PLCH2: variants seen among roughly 807,000 people sequenced by gnomAD.
PLCH2 encodes 1-phosphatidylinositol 4,5-bisphosphate phosphodiesterase eta-2.
In PLCH2, 98 loss-of-function variants were observed where a neutral mutation model predicts 134.7. The observed-to-expected ratio is 0.73, with a 90% confidence interval of 0.62 to 0.86. The LOEUF (loss-of-function observed/expected upper bound fraction) is 0.86, where lower values mean the gene tolerates loss of function less well. Ranked by LOEUF, PLCH2 falls within the 40% of genes least tolerant of loss-of-function variation. The pLI is 0.00. For synonymous variants in PLCH2, 974 were observed against 827.5 expected, an observed-to-expected ratio of 1.18 and a Z score of -3.04; for missense variants, 1,994 against 1,986.6, an observed-to-expected ratio of 1.00 and a Z score of -0.07.
At position 2,476,595 on chromosome 1, in the gene PLCH2, G is replaced by A; in HGVS notation, c.7G>A (p.Gly3Ser). 6.4e-7 allele frequency: 1 copy of A among 1,565,988 alleles called. No individual in the cohort carries two copies. ...GCCCGGCTGTCGTCAGGCCATGTCT[G>A]GTCCATGGCCCTCCCCCGACAGCCG... MS[G>S]PWPSPDSRTK... Residue 3 changes from glycine (G) to serine (S), a missense_variant, in exon 1 of 22, where the codon GGT becomes AGT. Gly to Ser is a moderately conservative substitution (Grantham distance 56, BLOSUM62 0). Transcript: ENST00000378486.
At chr1:2,459,285 T>G (rs1640651600) in intron 2 of PLCH2, among the ~76,000 whole-genome samples, 1 of 152,214 alleles carries the variant, frequency 6.6e-6, no homozygotes, top group African/African-American at 2.4e-5. Flanking sequence ...GCCTTGCCGG[T>G]GGTCTTCCTT....
chr1:2,493,326 G>A (rs12409875), intron 11 of PLCH2: 59,747 of 152,150 alleles, frequency 0.39, 13,049 homozygotes, highest in Non-Finnish European at 0.49. Context: ...GAGCTGTGAA[G>A]TGTGGTGGCC....
chr1:2,486,316 T>C (rs558201512), intron 5 of PLCH2, among the ~76,000 whole-genome samples: 1 of 152,270 alleles, frequency 6.6e-6, no homozygotes, highest in Admixed American at 6.5e-5. Context: ...CACAACTGGC[T>C]CTGGGCTCCC....
intron 2 of PLCH2, among the ~76,000 whole-genome samples, chr1:2,437,252 G>A (rs1163322859): frequency 6.6e-6 from 1 of 152,134 alleles, no homozygotes; most frequent in Admixed American, 6.5e-5. Context: ...TGCCTTGGTG[G>A]GCTGCGAGCC....
At chr1:2,487,500 C>T in intron 7 of PLCH2, 98 bp from the exon 8 acceptor site, 1 of 1,500,456 alleles carries the variant, frequency 6.7e-7, no homozygotes. Context: ...GTGTCCCTCA[C>T]TGAGCAATGG....
At chr1:2,435,410 C>G (rs1639282788) in intron 2 of PLCH2, among the ~76,000 whole-genome samples, 1 of 152,160 alleles carries the variant, frequency 6.6e-6, no homozygotes, top group African/African-American at 2.4e-5. Context: ...TCACACCACC[C>G]TGGGTAGTCA....
chr1:2,451,114 A>G (rs932105981), intron 2 of PLCH2, among the ~76,000 whole-genome samples: 1 of 152,096 alleles, frequency 6.6e-6, no homozygotes, highest in Non-Finnish European at 1.5e-5. Flanking sequence ...AATTTGGGGC[A>G]GGGCCTGGGG....
At chr1:2,434,955 G>A (rs924201415) in intron 2 of PLCH2, among the ~76,000 whole-genome samples, 11 of 151,590 alleles carry the variant, frequency 7.3e-5, no homozygotes, top group African/African-American at 2.7e-4. Flanking sequence ...GTGTGTCCCC[G>A]TGGCCCAGAG....
At position 2,480,273 on chromosome 1, in the gene PLCH2, C is replaced by T. The variant is rs750649397; in HGVS notation, c.606C>T (p.Asn202=). 2.6e-5 allele frequency: 42 copies of T among 1,612,686 alleles called. No homozygotes were observed. The highest frequency in any genetic ancestry group is 3.4e-5 in the Non-Finnish European group (40 of 1,179,798). Residue 202 remains asparagine, a synonymous_variant, in exon 4 of 22, where the codon AAC becomes AAT. Coordinates refer to ENST00000378486, the MANE Select transcript of PLCH2 (RefSeq NM_014638.4). ...TCCTGCAGCTGCTGCACAAGCTCAA[C>T]GTGAACCTGCCCCGGCAGAGGGTGA... is the stretch of plus-strand genomic sequence containing the variant. The part of the protein sequence containing the change: ...GEVLQLLHKL[N]VNLPRQRVKQ...
At chr1:2,438,826 T>C (rs1215619217) in intron 2 of PLCH2, among the ~76,000 whole-genome samples, 4 of 152,172 alleles carry the variant, frequency 2.6e-5, no homozygotes, top group Non-Finnish European at 5.9e-5. Flanking sequence ...TCTGGTCCCA[T>C]GGGCACCTTC....
At chr1:2,469,860 C>G (rs1371102342) in intron 1 of PLCH2, among the ~76,000 whole-genome samples, 2 of 152,218 alleles carry the variant, frequency 1.3e-5, no homozygotes, top group Admixed American at 6.5e-5. Context: ...TGAGAAGTCA[C>G]TCACCGTGGT....
At chr1:2,460,901 G>T (rs901872825) in intron 2 of PLCH2, among the ~76,000 whole-genome samples, 9 of 152,232 alleles carry the variant, frequency 5.9e-5, no homozygotes, top group African/African-American at 1.7e-4. Flanking sequence ...CAACAGCTGC[G>T]GGTTCGCCTC....
rs947901461 is a variant in PLCH2 at position 2,484,372 on chromosome 1, G to A, written c.646-76G>A. 1.4e-5 allele frequency: 20 copies of A among 1,414,732 alleles called. No individual in the cohort carries two copies. In the African/African-American group the frequency reaches 2.0e-4, roughly 14 times the overall value. The allele number at this position is 1,414,732 out of a possible 1,614,324, so 87.6% of individuals were successfully genotyped here. On this transcript the variant is annotated intron_variant, in intron 4 of 21. Coordinates refer to ENST00000378486, the MANE Select transcript of PLCH2 (RefSeq NM_014638.4). ...GCATGTTGGTCTTGACTGGGGAGTG[G>A]GGTGGTCCTGAAGGACCCCTGTGCA...
upstream of PLCH2, among the ~76,000 whole-genome samples, chr1:2,475,831 G>A (rs927058050): frequency 2.6e-5 from 4 of 152,130 alleles, no homozygotes; most frequent in Non-Finnish European, 4.4e-5. Context: ...TAAGGGATCC[G>A]GCTCGGCTCC....
At chr1:2,501,323 G>A (rs4648642) in intron 20 of PLCH2, 57,708 of 152,064 alleles carry the variant, frequency 0.38, 12,500 homozygotes, top group East Asian at 0.5. Flanking sequence ...CTGGAGATGC[G>A]GCTGCCTCCC....
At chr1:2,484,368 A>G in intron 4 of PLCH2, 80 bp from the exon 5 acceptor site, 1 of 1,382,018 alleles carries the variant, frequency 7.2e-7, no homozygotes, top group Non-Finnish European at 1.0e-6. Flanking sequence ...TTGACTGGGG[A>G]GTGGGGTGGT....
Position 2,502,092 on chromosome 1 carries a change from A to G in PLCH2, c.2662-20A>G, listed in dbSNP as rs1558036183. On this transcript the variant is annotated intron_variant, in intron 20 of 21. Transcript: ENST00000378486. ...GGCTGGGACCCCTGGCAACAGCTAC[A>G]TGGGCTCCTTCTCTTGCAGGTCAAG... 7.0e-7 allele frequency: 1 copy of G among 1,423,932 alleles called. No homozygotes were observed. The highest frequency in any genetic ancestry group is 2.7e-5 in the East Asian group (1 of 37,018). 88.2% of individuals were successfully genotyped at this position (1,423,932 alleles called of 1,614,324 possible). A position where few individuals can be genotyped will look rare whatever the true frequency, so the allele number is the denominator to read the frequency against.
rs897970485 is a variant in PLCH2, at chr1:2,498,901, GC to G, written c.2434+76del. ...GGGGAGGGTTGGGGCTACCTGGTGTGCCCGGGTGCCCTGCCCAGGCCTCCCT... is the reference window on the plus strand; with the variant it reads ...GGGGAGGGTTGGGGCTACCTGGTGTGCCGGGTGCCCTGCCCAGGCCTCCCT... On this transcript the variant is annotated intron_variant, in intron 18 of 21. Coordinates refer to ENST00000378486, the MANE Select transcript of PLCH2 (RefSeq NM_014638.4). This position sits in a 1 kb window ranked among gnomAD's most constrained non-coding sequence, Gnocchi z 5.4. 2.1e-5 allele frequency: 29 copies of G among 1,370,122 alleles called. No homozygotes were observed. The Admixed American group carries it at 5.6e-4, about 27-fold the overall frequency. The allele number at this position is 1,370,122 out of a possible 1,614,324, so 84.9% of individuals were successfully genotyped here.
intron 2 of PLCH2, among the ~76,000 whole-genome samples, chr1:2,445,363 G>A (rs2100539347): frequency 6.6e-6 from 1 of 152,274 alleles, no homozygotes; most frequent in Admixed American, 6.5e-5. Flanking sequence ...ATGTCCCCAG[G>A]GAAACCAGGG....
Sources: gnomAD v4.1 joint callset for allele counts (sites outside exome capture counted in the v4.1 genomes callset) on GRCh38, gnomAD v4.1.1 for gene constraint, Gnocchi (gnomAD v3.1) non-coding constraint, MANE v1.5 for transcripts, NCBI Gene and HGNC (gene_info 2026-07-23, HGNC 2026-07-21) for gene names.